Variants in BTC observed in about 807,000 individuals in gnomAD.
BTC encodes the protein betacellulin.
Under a neutral mutation model 18.1 loss-of-function variants are expected in BTC, and 13 were observed. The ratio of observed to expected loss-of-function variants is 0.72; its 90% CI spans 0.47 to 1.14. The LOEUF (loss-of-function observed/expected upper bound fraction) is 1.14, where lower values mean the gene tolerates loss of function less well. Among genes scored for constraint, BTC ranks in the 50% most tolerant of loss-of-function variants. The pLI is 0.00. For missense variants in BTC, 247 were observed against 224.2 expected (o/e 1.10, Z -0.65); for synonymous variants, 83 against 79.4 (o/e 1.05, Z -0.24).
intron 1 of BTC, among the ~76,000 whole-genome samples, chr4:74,778,079 T>C (rs1329205616): frequency 6.6e-6 from 1 of 152,092 alleles, no homozygotes; most frequent in South Asian, 2.1e-4. Flanking sequence ...ACACTGAGTT[T>C]GTGGTTAGCT....
intron 1 of BTC, among the ~76,000 whole-genome samples, chr4:74,785,075 G>C (rs538183085): frequency 1.6e-3 from 238 of 152,124 alleles, no homozygotes; most frequent in Non-Finnish European, 2.9e-3. Context: ...TTGGTTGGTA[G>C]GCTATTGATT....
At chr4:74,792,039 C>T (rs982493143) in intron 1 of BTC, among the ~76,000 whole-genome samples, 1 of 151,806 alleles carries the variant, frequency 6.6e-6, no homozygotes, top group African/African-American at 2.4e-5. Context: ...TTATTGCTCA[C>T]ATTCTTTTCA....
chr4:74,780,029 A>G (rs1725276975), intron 1 of BTC, among the ~76,000 whole-genome samples: 1 of 152,184 alleles, frequency 6.6e-6, no homozygotes, highest in South Asian at 2.1e-4. Flanking sequence ...AGGAAATGAC[A>G]TAGAAATGAG....
intron 1 of BTC, among the ~76,000 whole-genome samples, chr4:74,782,319 T>A (rs1487509102): frequency 6.6e-6 from 1 of 152,234 alleles, no homozygotes; most frequent in Non-Finnish European, 1.5e-5. Flanking sequence ...TGTGTTCACA[T>A]CATTCAGCTC....
At chr4:74,752,889 T>C (rs944573478) in intron 3 of BTC, among the ~76,000 whole-genome samples, 1 of 152,246 alleles carries the variant, frequency 6.6e-6, no homozygotes, top group Non-Finnish European at 1.5e-5. Context: ...AATTATATGC[T>C]GTGGGATTGG....
intron 2 of BTC, among the ~76,000 whole-genome samples, chr4:74,769,543 C>A (rs943273034): frequency 8.5e-5 from 13 of 152,180 alleles, no homozygotes; most frequent in African/African-American, 3.1e-4. Flanking sequence ...TTTACTAAGG[C>A]CAAATACTGC....
At chr4:74,787,865 C>T (rs1725522628) in intron 1 of BTC, among the ~76,000 whole-genome samples, 1 of 152,104 alleles carries the variant, frequency 6.6e-6, no homozygotes, top group African/African-American at 2.4e-5. Flanking sequence ...CATCTCCAAC[C>T]TAAGAAAGCC....
chr4:74,769,280 A>G (rs1007892628), intron 2 of BTC, among the ~76,000 whole-genome samples: 7 of 152,096 alleles, frequency 4.6e-5, no homozygotes, highest in African/African-American at 1.7e-4. Flanking sequence ...AGAACATACA[A>G]TCTATACAGA....
At chr4:74,793,914 C>A (rs1725698107) in intron 1 of BTC, among the ~76,000 whole-genome samples, 1 of 150,780 alleles carries the variant, frequency 6.6e-6, no homozygotes, top group African/African-American at 2.4e-5. Flanking sequence ...GCGAGCACAG[C>A]GCCTCACCCC....
rs781972691 is a variant in BTC, at chr4:74,755,912, G to C, written c.228C>G (p.Tyr76Ter). 6.2e-7 allele frequency: 1 copy of C among 1,614,206 alleles called. No individual in the cohort carries two copies. Among genetic ancestry groups the C allele is most frequent in the Non-Finnish European group, 8.5e-7 (1 of 1,180,038 alleles). ...FSRCPKQYKH[Y>*]CIKGRCRFVV... is the part of the protein sequence containing the mutation. Reference sequence around the variant, plus strand: ...CGAAGCGGCATCTCCCTTTGATGCAGTAATGCTTGTATTGCTTGGGGCACC... The same window carrying C: ...CGAAGCGGCATCTCCCTTTGATGCACTAATGCTTGTATTGCTTGGGGCACC... The change falls in exon 3 of 6, where the codon TAC (tyrosine) becomes TAG (stop). Residue 76 changes from tyrosine (Y) to a stop codon, truncating the protein, a stop_gained. Transcript: ENST00000395743. LOFTEE classifies it high-confidence loss of function.
At chr4:74,791,616 C>T (rs369736835) in intron 1 of BTC, among the ~76,000 whole-genome samples, 18 of 152,270 alleles carry the variant, frequency 1.2e-4, no homozygotes, top group East Asian at 7.7e-4. Flanking sequence ...TCCAACCCCA[C>T]TTCTGTCTTT....
intron 1 of BTC, among the ~76,000 whole-genome samples, chr4:74,773,894 G>A (rs1474469652): frequency 6.6e-6 from 1 of 152,102 alleles, no homozygotes; most frequent in Non-Finnish European, 1.5e-5. Flanking sequence ...TTACAGGCAT[G>A]AGCCACCAAG....
At chr4:74,754,938 A>AACACAC (rs33972204) in intron 3 of BTC, among the ~76,000 whole-genome samples, 12,129 of 149,788 alleles carry the variant, frequency 0.081, 950 homozygotes, top group African/African-American at 0.21. Context: ...TATCCCTCTC[A>AACACAC]ACACACACAC....
At chr4:74,764,252 C>T (rs1310269656) in intron 2 of BTC, among the ~76,000 whole-genome samples, 1 of 151,894 alleles carries the variant, frequency 6.6e-6, no homozygotes, top group Non-Finnish European at 1.5e-5. Context: ...AAATAAAGAC[C>T]ATATACTGTA....
chr4:74,750,286 T>A (rs1724424381), intron 4 of BTC, among the ~76,000 whole-genome samples: 2 of 152,198 alleles, frequency 1.3e-5, no homozygotes, highest in South Asian at 4.1e-4. Context: ...GTTTTTATCT[T>A]TCAATGTTAC....
chr4:74,767,180 T>TACACAC (rs56936798), intron 2 of BTC, among the ~76,000 whole-genome samples: 73 of 147,598 alleles, frequency 4.9e-4, no homozygotes, highest in African/African-American at 1.7e-3. Context: ...TTCTAAAGAC[T>TACACAC]ACACACACAC....
At chr4:74,754,106 A>G (rs1553956476) in intron 3 of BTC, among the ~76,000 whole-genome samples, 1 of 152,222 alleles carries the variant, frequency 6.6e-6, no homozygotes, top group East Asian at 1.9e-4. Context: ...CTTTAGGTCT[A>G]TCTGACTCCA....
chr4:74,765,757 C>A (rs1164004571), intron 2 of BTC, among the ~76,000 whole-genome samples: 2 of 152,064 alleles, frequency 1.3e-5, no homozygotes, highest in African/African-American at 4.8e-5. Context: ...ACTTTTCACG[C>A]ACAAAGAAAC....
intron 2 of BTC, among the ~76,000 whole-genome samples, chr4:74,760,605 A>G (rs1724726177): frequency 6.6e-6 from 1 of 152,210 alleles, no homozygotes; most frequent in Admixed American, 6.5e-5. Context: ...TCTTGCATCC[A>G]ATGACATTTC....
Sources: gnomAD v4.1 joint callset for allele counts (sites outside exome capture counted in the v4.1 genomes callset) on GRCh38, gnomAD v4.1.1 for gene constraint, MANE v1.5 for transcripts, NCBI Gene and HGNC (gene_info 2026-07-23, HGNC 2026-07-21) for gene names.